ATP2A1: variants seen among roughly 807,000 people sequenced by gnomAD.
The protein encoded by ATP2A1 is sarcoplasmic/endoplasmic reticulum calcium ATPase 1.
Under a neutral mutation model 109.5 loss-of-function variants are expected in ATP2A1, and 83 were observed. The ratio of observed to expected loss-of-function variants is 0.76; its 90% CI spans 0.63 to 0.91. The LOEUF is 0.91. Ranked by LOEUF, ATP2A1 falls within the 40% of genes least tolerant of loss-of-function variation. ATP2A1 has a pLI of 0.00. For synonymous variants in ATP2A1, 505 were observed against 537.6 expected (o/e 0.94, Z 0.84); for missense variants, 1,101 against 1,341.0 (o/e 0.82, Z 2.80).
chr16:28,902,197 G>A lies in ATP2A1; in HGVS notation c.2335G>A (p.Ala779Thr), dbSNP rs866709848. ...VGEVVCIFLTAALGLPEALIP... is the reference protein window; with the variant it reads ...VGEVVCIFLTTALGLPEALIP... ...TCCTTCCCACAGTATCTTCCTGACC[G>A]CTGCCCTGGGGCTGCCTGAGGCCCT... is the stretch of plus-strand genomic sequence containing the variant. The change falls in exon 17 of 23, where the codon GCT (alanine) becomes ACT (threonine). Residue 779 changes from alanine to threonine, a missense_variant. Transcript: ENST00000395503. This position sits in a 1 kb window ranked among gnomAD's most constrained non-coding sequence, Gnocchi z 4.8. 8 of 1,613,956 alleles carry A rather than the reference G, an allele frequency of 5.0e-6. No homozygotes were observed. The highest frequency in any genetic ancestry group is 2.2e-5 in the East Asian group (1 of 44,890).
At chr16:28,890,080 T>G (rs1010969804) in intron 9 of ATP2A1, among the ~76,000 whole-genome samples, 1 of 151,994 alleles carries the variant, frequency 6.6e-6, no homozygotes, top group African/African-American at 2.4e-5. Context: ...AGGCAGAGGT[T>G]GCAGTGAGCC....
chr16:28,882,486 G>A lies in ATP2A1; in HGVS notation c.360G>A (p.Lys120=), dbSNP rs1963515030. ...CAGAGAACGCCATCGAGGCCCTGAA[G>A]GAGTATGAGCCAGAGATGGGGAAGG... is the stretch of plus-strand genomic sequence containing the variant. The part of the protein sequence containing the change: ...RNAENAIEAL[K]EYEPEMGKVY... The change falls in exon 5 of 23, where the codon AAG becomes AAA. Residue 120 remains lysine (K), a synonymous_variant. Transcript: ENST00000395503. 6.2e-7 allele frequency: 1 copy of A among 1,614,220 alleles called. No individual in the cohort carries two copies. Among genetic ancestry groups the A allele is most frequent in the Non-Finnish European group, 8.5e-7 (1 of 1,180,036 alleles).
In ATP2A1 at chr16:28,901,996, C is replaced by A. The variant is rs1456370267; in HGVS notation, c.2234C>A (p.Ala745Asp). Residue 745 changes from alanine (A) to aspartate (D), a missense_variant, in exon 16 of 23, where the codon GCT (alanine) becomes GAT (aspartate). Coordinates refer to ENST00000395503, the MANE Select transcript of ATP2A1 (RefSeq NM_004320.6). ...GACGACAACTTCTCCACCATCGTAG[C>A]TGCTGTGGAGGAGGGCCGCGCCATC... ...LADDNFSTIV[A>D]AVEEGRAIYN... 1.2e-6 allele frequency: 2 copies of A among 1,614,220 alleles called. No homozygotes were observed. Among genetic ancestry groups the A allele is most frequent in the Admixed American group, 3.3e-5 (2 of 60,022 alleles).
intron 4 of ATP2A1, among the ~76,000 whole-genome samples, chr16:28,881,763 T>C (rs1345142259): frequency 3.3e-5 from 5 of 150,294 alleles, no homozygotes; most frequent in East Asian, 2.0e-4. Flanking sequence ...GATTGCACAA[T>C]TGCACTCCAG....
rs750195772 is a variant in ATP2A1, at chr16:28,882,554, G to A, written c.428G>A (p.Arg143Gln). The stretch of plus-strand genomic sequence containing the variant: ...AAGTCAGTGCAAAGGATCAAGGCTC[G>A]GGACATCGTCCCTGGGGACATCGTG... The part of the protein sequence containing the change: ...DRKSVQRIKA[R>Q]DIVPGDIVEV... Residue 143 changes from arginine to glutamine, a missense_variant, in exon 5 of 23, where the codon CGG becomes CAG. Transcript: ENST00000395503. 152 of 1,614,184 alleles carry A rather than the reference G, an allele frequency of 9.4e-5. 1 individual carries two copies. In the Middle Eastern group the frequency reaches 1.6e-3, roughly 18 times the overall value.
Position 28,903,831 on chromosome 16 carries a change from T to A in ATP2A1, c.*37+90T>A. 8.0e-7 allele frequency: 1 copy of A among 1,247,356 alleles called. No homozygotes were observed. The allele number at this position is 1,247,356 out of a possible 1,614,324, so 77.3% of individuals were successfully genotyped here. A position where few individuals can be genotyped will look rare whatever the true frequency, so the allele number is the denominator to read the frequency against. ...CTTGCGCGTCGCATCCAAGGTCACT[T>A]GTGCTCGCAGCTCCACCTGGAGCCG... On this transcript the variant is annotated intron_variant, in intron 22 of 22. Coordinates refer to ENST00000395503, the MANE Select transcript of ATP2A1 (RefSeq NM_004320.6). The surrounding 1 kb of genome is among the most constrained non-coding windows in gnomAD (Gnocchi z 5.6).
At chr16:28,884,682 A>C in intron 6 of ATP2A1, 27 bp downstream of exon 6, 1 of 1,450,054 alleles carries the variant, frequency 6.9e-7, no homozygotes, top group Non-Finnish European at 9.4e-7. Context: ...GGGAAGATGC[A>C]TGGGGGTGGG....
chr16:28,885,249 CAAAA>C (rs560935121), intron 6 of ATP2A1, among the ~76,000 whole-genome samples: 4 of 122,312 alleles, frequency 3.3e-5, no homozygotes, highest in Admixed American at 8.2e-5. Context: ...GACCCCATCT[CAAAA>C]AAAAAAAAAA....
chr16:28,903,472 GC>G lies in ATP2A1; in HGVS notation c.2980+36del. 2 of 1,579,532 alleles carry G rather than the reference GC, an allele frequency of 1.3e-6. No homozygotes were observed. Among genetic ancestry groups the G allele is most frequent in the Non-Finnish European group, 8.7e-7 (1 of 1,149,484 alleles). On this transcript the variant is annotated intron_variant, in intron 21 of 22. Transcript: ENST00000395503. The surrounding 1 kb of genome is among the most constrained non-coding windows in gnomAD (Gnocchi z 5.6). ...AGTGCCCTCTCTGTCCCAAGCCCTG[GC>G]CCCACCACAGCCCCTTCCCCATGAC...
chr16:28,884,703 G>C (rs751314003), intron 6 of ATP2A1, 48 bp downstream of exon 6: 3 of 1,537,102 alleles, frequency 2.0e-6, no homozygotes, highest in Non-Finnish European at 2.7e-6. Context: ...ACGTGGGGAG[G>C]AAGAGGCAAC....
At chr16:28,878,846 A>T in intron 1 of ATP2A1, 57 bp downstream of exon 1, 1 of 1,536,924 alleles carries the variant, frequency 6.5e-7, no homozygotes. Context: ...CCCCCAAAAC[A>T]CACGCACACG....
At chr16:28,900,463 T>TGCC in intron 14 of ATP2A1, 118 bp from the exon 15 acceptor site, 2 of 946,156 alleles carry the variant, frequency 2.1e-6, no homozygotes. Flanking sequence ...GGTTCAGGCT[T>TGCC]CCCACCCCTC....
Position 28,903,804 on chromosome 16 carries a change from C to T in ATP2A1, c.*37+63C>T, listed in dbSNP as rs1322804822. 6.9e-7 allele frequency: 1 copy of T among 1,447,162 alleles called. No homozygotes were observed. The highest frequency in any genetic ancestry group is 1.1e-5 in the South Asian group (1 of 87,808). 89.6% of individuals were successfully genotyped at this position (1,447,162 alleles called of 1,614,324 possible). ...CCCCTGCCACCCGCGCCCCCTCAGC[C>T]CCTTGCGCGTCGCATCCAAGGTCAC... On this transcript the variant is annotated intron_variant, in intron 22 of 22. Transcript: ENST00000395503. The surrounding 1 kb of genome is among the most constrained non-coding windows in gnomAD (Gnocchi z 5.6).
At chr16:28,889,352 G>A (rs1208688464) in intron 9 of ATP2A1, among the ~76,000 whole-genome samples, 1 of 152,082 alleles carries the variant, frequency 6.6e-6, no homozygotes, top group Non-Finnish European at 1.5e-5. Flanking sequence ...TGCCTCCCGG[G>A]TTCAAGCGAT....
intron 12 of ATP2A1, 66 bp from the exon 13 acceptor site, chr16:28,897,934 T>C: frequency 6.3e-7 from 1 of 1,597,808 alleles, no homozygotes. Flanking sequence ...TGGGGTCTGC[T>C]CTGACCTCCA....
At position 28,901,951 on chromosome 16, in the gene ATP2A1, C is replaced by T; in HGVS notation, c.2189C>T (p.Ala730Val). Residue 730 changes from alanine to valine, a missense_variant, in exon 16 of 23, where the codon GCC becomes GTC. By Grantham distance (64) the Ala-to-Val change is moderately conservative. Coordinates refer to ENST00000395503, the MANE Select transcript of ATP2A1 (RefSeq NM_004320.6). ...TCTGGCACTGCCGTGGCCAAGACTG[C>T]CTCTGAGATGGTGCTGGCTGACGAC... ...MGSGTAVAKT[A>V]SEMVLADDNF... The T allele has an allele frequency of 6.2e-7, 1 of 1,614,250 alleles. No individual in the cohort carries two copies. The highest frequency in any genetic ancestry group is 8.5e-7 in the Non-Finnish European group (1 of 1,180,050).
At chr16:28,888,746 C>T (rs2152205094) in intron 8 of ATP2A1, 41 bp from the exon 9 acceptor site, 4 of 1,607,038 alleles carry the variant, frequency 2.5e-6, no homozygotes, top group South Asian at 2.2e-5. Flanking sequence ...CTCACACCCT[C>T]CCCTTGCAGG....
At chr16:28,892,787 G>C (rs2152208101) in intron 9 of ATP2A1, 1 of 152,408 alleles carries the variant, frequency 6.6e-6, no homozygotes, top group East Asian at 1.9e-4. Flanking sequence ...TCTCACGCCT[G>C]TAATCCCAGC....
intron 9 of ATP2A1, among the ~76,000 whole-genome samples, chr16:28,889,478 G>A (rs1963709081): frequency 6.6e-6 from 1 of 152,020 alleles, no homozygotes; most frequent in South Asian, 2.1e-4. Flanking sequence ...GGCTGGTCTT[G>A]AACTCCTGGC....
Sources: gnomAD v4.1 joint callset for allele counts (sites outside exome capture counted in the v4.1 genomes callset) on GRCh38, gnomAD v4.1.1 for gene constraint, Gnocchi (gnomAD v3.1) non-coding constraint, MANE v1.5 for transcripts, NCBI Gene and HGNC (gene_info 2026-07-23, HGNC 2026-07-21) for gene names.